Variants in PCDH15 observed in about 807,000 individuals in gnomAD.
PCDH15 encodes protocadherin related 15, also known as protocadherin-15.
In PCDH15, 129 loss-of-function variants were observed where a neutral mutation model predicts 178.5. The ratio of observed to expected loss-of-function variants is 0.72; its 90% CI spans 0.63 to 0.84. The LOEUF (loss-of-function observed/expected upper bound fraction) is 0.84, where lower values mean the gene tolerates loss of function less well. PCDH15 is among the 40% of genes least tolerant of loss of function. PCDH15 has a pLI of 0.00. For missense variants in PCDH15, 2,230 were observed against 2,099.9 expected, an observed-to-expected ratio of 1.06 and a Z score of -1.21; for synonymous variants, 800 against 732.0, an observed-to-expected ratio of 1.09 and a Z score of -1.50.
intron 1 of PCDH15, among the ~76,000 whole-genome samples, chr10:55,263,977 G>T (rs1378975208): frequency 6.9e-6 from 1 of 143,998 alleles, no homozygotes; most frequent in Non-Finnish European, 1.5e-5. Context: ...CTCGTGATTC[G>T]CCCGCCTCGG....
intron 13 of PCDH15, among the ~76,000 whole-genome samples, chr10:54,164,914 G>C (rs1196970530): frequency 1.3e-5 from 2 of 152,154 alleles, no homozygotes; most frequent in Non-Finnish European, 2.9e-5. Flanking sequence ...TTGGAGCTGT[G>C]TAAGGTCTAC....
At chr10:54,785,554 T>TGCTGATTTTCTA (rs1183600687) in intron 1 of PCDH15, among the ~76,000 whole-genome samples, 1 of 151,880 alleles carries the variant, frequency 6.6e-6, no homozygotes, top group East Asian at 1.9e-4. Context: ...CCTGAGGGAG[T>TGCTGATTTTCTA]GCTGATTTTC....
chr10:54,874,288 C>CA (rs1954097739), intron 3 of PCDH15, among the ~76,000 whole-genome samples: 1 of 146,726 alleles, frequency 6.8e-6, no homozygotes, highest in Non-Finnish European at 1.5e-5. Flanking sequence ...CATGTCCCTA[C>CA]AAAGGGCATG....
chr10:54,785,573 T>C (rs1950783729), intron 1 of PCDH15, among the ~76,000 whole-genome samples: 1 of 152,040 alleles, frequency 6.6e-6, no homozygotes, highest in Non-Finnish European at 1.5e-5. Context: ...TCTAGCATTC[T>C]TCCACCTTTG....
chr10:55,502,997 A>T (rs2132141662), intron 2 of PCDH15, among the ~76,000 whole-genome samples: 1 of 151,730 alleles, frequency 6.6e-6, no homozygotes, highest in African/African-American at 2.4e-5. Flanking sequence ...TTAAACATTA[A>T]TAGCAAAACA....
At chr10:54,333,920 G>A (rs1204508257) in intron 6 of PCDH15, among the ~76,000 whole-genome samples, 23 of 152,112 alleles carry the variant, frequency 1.5e-4, no homozygotes, top group Admixed American at 1.5e-3. Context: ...TTCCACCAAT[G>A]AGGCAGAAAA....
rs138605422 is a variant in PCDH15, at chr10:55,567,647, T to C, written c.-156+59978A>G. The stretch of plus-strand genomic sequence containing the variant: ...GTCAAAATACTTGAATAGACATTTA[T>C]CCAAAGAAGATATACAAATGGCAAA... On this transcript the variant is annotated intron_variant, in intron 2 of 5. Coordinates refer to the PCDH15 transcript ENST00000613346. Among the ~76,000 whole-genome samples the C allele has an allele frequency of 3.1e-3, 472 of 152,074 alleles. 1 individual carries two copies. The highest frequency in any genetic ancestry group is 0.01 in the African/African-American group (434 of 41,522).
At chr10:54,155,782 T>A (rs1590836049) in intron 13 of PCDH15, among the ~76,000 whole-genome samples, 1 of 137,670 alleles carries the variant, frequency 7.3e-6, no homozygotes, top group African/African-American at 2.7e-5. Flanking sequence ...GGCAACAGAG[T>A]GAGACTCTTA....
intron 2 of PCDH15, among the ~76,000 whole-genome samples, chr10:55,438,912 T>A (rs1056009052): frequency 3.3e-5 from 5 of 151,496 alleles, no homozygotes; most frequent in African/African-American, 1.2e-4. Context: ...TTATTTATTT[T>A]TTTTGAGACA....
At chr10:55,048,161 G>C (rs899639020) in intron 2 of PCDH15, among the ~76,000 whole-genome samples, 6 of 151,860 alleles carry the variant, frequency 4.0e-5, no homozygotes, top group Admixed American at 6.6e-5. Context: ...TTTTCTAAAA[G>C]AGAGTTACTG....
At chr10:55,488,704 A>G (rs1306352464) in intron 2 of PCDH15, among the ~76,000 whole-genome samples, 2 of 151,606 alleles carry the variant, frequency 1.3e-5, no homozygotes, top group African/African-American at 2.4e-5. Context: ...ATAATTTTAC[A>G]TAAAGAAGAA....
intron 2 of PCDH15, among the ~76,000 whole-genome samples, chr10:55,473,359 T>G (rs866614823): frequency 3.3e-5 from 5 of 151,780 alleles, no homozygotes; most frequent in African/African-American, 1.2e-4. Context: ...ACCACCTAAA[T>G]CATTCTTTTT....
intron 26 of PCDH15, among the ~76,000 whole-genome samples, chr10:53,885,762 G>A (rs2081049652): frequency 6.6e-6 from 1 of 152,074 alleles, no homozygotes; most frequent in South Asian, 2.1e-4. Flanking sequence ...ATTTAGAAAA[G>A]TTATATTGAG....
intron 1 of PCDH15, among the ~76,000 whole-genome samples, chr10:55,285,133 T>A (rs1317019999): frequency 7.0e-6 from 1 of 143,006 alleles, no homozygotes; most frequent in African/African-American, 2.7e-5. Flanking sequence ...GTTTACCATA[T>A]AAACTTGTAT....
chr10:55,039,126 G>A (rs1840806414), intron 2 of PCDH15, among the ~76,000 whole-genome samples: 2 of 151,894 alleles, frequency 1.3e-5, no homozygotes, highest in Admixed American at 6.6e-5. Context: ...CCCAGGTTCC[G>A]ATCCAAACCT....
chr10:55,146,282 GT>G (rs1435986838), intron 2 of PCDH15, among the ~76,000 whole-genome samples: 9 of 151,906 alleles, frequency 5.9e-5, no homozygotes, highest in African/African-American at 2.2e-4. Flanking sequence ...GAAAACTACT[GT>G]TTTTGACTGA....
rs144563736 is a variant in PCDH15 at position 54,384,666 on chromosome 10, GAAGT to G, written c.158-5728_158-5725del. On this transcript the variant is annotated intron_variant, in intron 3 of 37. Coordinates refer to ENST00000644397, the MANE Select transcript of PCDH15 (RefSeq NM_001384140.1). The stretch of plus-strand genomic sequence containing the variant: ...TGCATATATAGTACTTTGGATAGGG[GAAGT>G]AAGTTTGTTAAGCTTATGAGTTAAT... Among the ~76,000 whole-genome samples, 327 of 152,186 alleles carry G rather than the reference GAAGT, an allele frequency of 2.1e-3. 3 individuals are homozygous for G. The highest frequency in any genetic ancestry group is 7.3e-3 in the African/African-American group (304 of 41,534).
chr10:55,264,792 T>G (rs1014094753), intron 1 of PCDH15, among the ~76,000 whole-genome samples: 6 of 152,166 alleles, frequency 3.9e-5, no homozygotes, highest in Non-Finnish European at 5.9e-5. Flanking sequence ...AGGAATTGCT[T>G]GGCCTCAGGA....
chr10:54,527,725 A>T, intron 3 of PCDH15, 87 bp downstream of exon 3: 1 of 1,065,994 alleles, frequency 9.4e-7, no homozygotes, highest in Non-Finnish European at 1.4e-6. Flanking sequence ...CTTTCATTTT[A>T]GTACCTCTAC....
Sources: allele counts gnomAD v4.1 joint callset (sites outside exome capture counted in the v4.1 genomes callset), GRCh38; gene constraint gnomAD v4.1.1; transcripts MANE v1.5; gene names NCBI Gene and HGNC (gene_info 2026-07-23, HGNC 2026-07-21).